The following LINGO2 variants were observed in gnomAD, a reference collection of about 807,000 sequenced individuals.
The protein encoded by LINGO2 is leucine rich repeat and Ig domain containing 2, also known as leucine-rich repeat and immunoglobulin-like domain-containing nogo receptor-interacting protein 2.
LINGO2 carries 14 observed loss-of-function variants against 30.6 expected under a neutral mutation model. The ratio of observed to expected loss-of-function variants is 0.46; its 90% CI spans 0.30 to 0.72. The LOEUF (loss-of-function observed/expected upper bound fraction) is 0.72, where lower values mean the gene tolerates loss of function less well. Ranked by LOEUF, LINGO2 falls within the 30% of genes least tolerant of loss-of-function variation. The pLI, the probability that LINGO2 is intolerant of heterozygous loss-of-function variation, is 0.07. For missense variants in LINGO2, 729 were observed against 751.7 expected (o/e 0.97, Z 0.35); for synonymous variants, 317 against 288.5 (o/e 1.10, Z -1.00).
At chr9:28,309,846 A>G (rs1041250858) in intron 3 of LINGO2, among the ~76,000 whole-genome samples, 1 of 152,128 alleles carries the variant, frequency 6.6e-6, no homozygotes, top group Admixed American at 6.6e-5. Context: ...AAAAAAGGTA[A>G]AAGAGTTGAT....
chr9:28,487,549 T>C (rs1406494547), intron 1 of LINGO2, among the ~76,000 whole-genome samples: 2 of 152,168 alleles, frequency 1.3e-5, no homozygotes, highest in Non-Finnish European at 2.9e-5. Context: ...CCATGGAACA[T>C]TCTCTACTTC....
At chr9:28,489,023 G>T (rs1439682174) in intron 1 of LINGO2, among the ~76,000 whole-genome samples, 1 of 152,120 alleles carries the variant, frequency 6.6e-6, no homozygotes, top group Non-Finnish European at 1.5e-5. Context: ...TGAGACCGAG[G>T]CTTCAAGAAC....
the LINGO2 span, among the ~76,000 whole-genome samples, chr9:29,058,722 G>C: frequency 1.3e-5 from 2 of 151,670 alleles, no homozygotes; most frequent in Non-Finnish European, 2.9e-5. Flanking sequence ...TCAGAAAAAG[G>C]AAAAATGAAA....
At chr9:28,700,073 C>T in the LINGO2 span, among the ~76,000 whole-genome samples, 2 of 151,940 alleles carry the variant, frequency 1.3e-5, no homozygotes, top group African/African-American at 2.4e-5. Context: ...GTGACCTACT[C>T]CTACCCTTTT....
At chr9:29,197,212 G>A in the LINGO2 span, among the ~76,000 whole-genome samples, 1 of 151,914 alleles carries the variant, frequency 6.6e-6, no homozygotes, top group African/African-American at 2.4e-5. Flanking sequence ...AGCATCCTTT[G>A]GAAGACAGTA....
chr9:27,988,132 T>C (rs1039584469), intron 5 of LINGO2, among the ~76,000 whole-genome samples: 11 of 152,046 alleles, frequency 7.2e-5, no homozygotes, highest in African/African-American at 2.7e-4. Flanking sequence ...GATAGTTTGC[T>C]GAGAATGATG....
chr9:28,478,440 G>C (rs1045052666), intron 1 of LINGO2, among the ~76,000 whole-genome samples: 1 of 151,950 alleles, frequency 6.6e-6, no homozygotes, highest in Non-Finnish European at 1.5e-5. Flanking sequence ...TTTTCATTCA[G>C]TGAGTCTAGG....
At chr9:28,039,506 G>GGTGT (rs144564189) in intron 4 of LINGO2, among the ~76,000 whole-genome samples, 4 of 151,648 alleles carry the variant, frequency 2.6e-5, no homozygotes, top group African/African-American at 9.7e-5. Context: ...GAGTGTAACA[G>GGTGT]GTGTGTGTGT....
chr9:28,218,879 G>C (rs372189558), intron 4 of LINGO2, among the ~76,000 whole-genome samples: 2 of 152,122 alleles, frequency 1.3e-5, no homozygotes, highest in Non-Finnish European at 2.9e-5. Context: ...TAGCCCATTT[G>C]CCATTTCAGA....
the LINGO2 span, among the ~76,000 whole-genome samples, chr9:28,984,246 G>A: frequency 5.9e-3 from 891 of 152,078 alleles, 8 homozygotes; most frequent in African/African-American, 0.021. Context: ...TAATAGTTAG[G>A]GATTTTTGAA....
At chr9:28,773,189 C>A in the LINGO2 span, among the ~76,000 whole-genome samples, 1 of 151,902 alleles carries the variant, frequency 6.6e-6, no homozygotes, top group South Asian at 2.1e-4. Context: ...CACAGTGAAA[C>A]CCTGTCTCTA....
exon 6 of LINGO2, chr9:27,949,670 T>C (rs1278088352): frequency 1.2e-6 from 2 of 1,614,044 alleles, no homozygotes; most frequent in Non-Finnish European, 1.7e-6. Flanking sequence ...CTTCCAAAGT[T>C]TCCAGCAGGT....
the LINGO2 span, among the ~76,000 whole-genome samples, chr9:28,826,527 C>G: frequency 6.6e-6 from 1 of 152,072 alleles, no homozygotes; most frequent in Non-Finnish European, 1.5e-5. Flanking sequence ...AAGCCTCAGT[C>G]TTGTTAAATA....
intron 3 of LINGO2, among the ~76,000 whole-genome samples, chr9:28,322,695 T>C (rs1166201480): frequency 1.3e-5 from 2 of 152,164 alleles, no homozygotes; most frequent in East Asian, 3.9e-4. Flanking sequence ...TGATTTGGGG[T>C]AAGTCACTGG....
At chr9:28,810,320 C>G in the LINGO2 span, among the ~76,000 whole-genome samples, 1 of 152,046 alleles carries the variant, frequency 6.6e-6, no homozygotes, top group Non-Finnish European at 1.5e-5. Context: ...TCACAAAGGA[C>G]AGAAATTAAA....
intron 4 of LINGO2, among the ~76,000 whole-genome samples, chr9:28,093,606 C>T (rs1346777498): frequency 6.6e-6 from 1 of 151,888 alleles, no homozygotes; most frequent in African/African-American, 2.4e-5. Context: ...CACATTATGA[C>T]ACCTTTTTAA....
intron 4 of LINGO2, among the ~76,000 whole-genome samples, chr9:28,174,301 A>T (rs2133677217): frequency 6.6e-6 from 1 of 152,368 alleles, no homozygotes; most frequent in African/African-American, 2.4e-5. Flanking sequence ...AAGATTAAGA[A>T]GCAAGCTATG....
At chr9:28,425,189 T>G in intron 2 of LINGO2, among the ~76,000 whole-genome samples, 1 of 149,662 alleles carries the variant, frequency 6.7e-6, no homozygotes, top group South Asian at 2.1e-4. Flanking sequence ...CAAGTAAAAC[T>G]CTTAATAGAG....
At chr9:28,906,046 GTT>G in the LINGO2 span, among the ~76,000 whole-genome samples, 1 of 151,978 alleles carries the variant, frequency 6.6e-6, no homozygotes, top group Non-Finnish European at 1.5e-5. Flanking sequence ...ACTGAAATGA[GTT>G]AGGCACTGAA....
Sources: allele counts gnomAD v4.1 joint callset (sites outside exome capture counted in the v4.1 genomes callset), GRCh38; gene constraint gnomAD v4.1.1; transcripts MANE v1.5; gene names NCBI Gene and HGNC (gene_info 2026-07-23, HGNC 2026-07-21).